The following CLVS1 variants were observed in gnomAD, a reference collection of about 807,000 sequenced individuals.
CLVS1 encodes clavesin 1, also known as clavesin-1.
Under a neutral mutation model 33.1 loss-of-function variants are expected in CLVS1, and 10 were observed. The observed-to-expected ratio is 0.30, with a 90% CI of 0.19 to 0.51. The LOEUF (loss-of-function observed/expected upper bound fraction) is 0.51. Ranked by LOEUF, CLVS1 falls within the 20% of genes least tolerant of loss-of-function variation. CLVS1 has a pLI of 0.97. For missense variants in CLVS1, 343 were observed against 433.4 expected (o/e 0.79, Z 1.85); for synonymous variants, 163 against 166.1 (o/e 0.98, Z 0.14).
rs777528494 is a variant in CLVS1 at position 61,314,841 on chromosome 8, T to C, written c.455+14559T>C. 1.6e-4 allele frequency among the ~76,000 whole-genome samples: 25 copies of C among 152,378 alleles called. 1 individual carries two copies. In the South Asian group the frequency reaches 1.7e-3, roughly 10 times the overall value. ...AATGAGCCTGCTTTGAAAACTCCTC[T>C]CTTTCTAATTTCCTGTAGATTAGGA... On this transcript the variant is annotated intron_variant, in intron 2 of 5. Transcript: ENST00000325897.
chr8:61,376,525 C>T (rs1027271525), intron 2 of CLVS1, 80 bp from the exon 3 acceptor site: 12 of 1,362,140 alleles, frequency 8.8e-6, no homozygotes, highest in African/African-American at 2.9e-5. Context: ...CAGTGGCATG[C>T]GGAGGCCAGC....
chr8:61,272,788 G>C (rs549518721), intron 2 of CLVS1, among the ~76,000 whole-genome samples: 2 of 152,012 alleles, frequency 1.3e-5, no homozygotes, highest in Non-Finnish European at 2.9e-5. Flanking sequence ...GATCACATCG[G>C]CTCCTGAGGC....
chr8:61,307,025 T>G (rs762037008), intron 2 of CLVS1, among the ~76,000 whole-genome samples: 1 of 152,208 alleles, frequency 6.6e-6, no homozygotes, highest in Non-Finnish European at 1.5e-5. Context: ...CCTATTATGT[T>G]TATTATATTC....
At chr8:61,052,506 CCGAGA>C (rs1433863407), upstream of CLVS1, among the ~76,000 whole-genome samples, 10 of 31,126 alleles carry the variant, frequency 3.2e-4, no homozygotes, top group East Asian at 0.026. Flanking sequence ...GGGAGTCATG[CCGAGA>C]TCTGGGAAAA....
At chr8:61,071,027 G>C (rs139432939) in intron 1 of CLVS1, among the ~76,000 whole-genome samples, 3 of 152,090 alleles carry the variant, frequency 2.0e-5, no homozygotes, top group African/African-American at 7.2e-5. Context: ...ACCAACATCC[G>C]CTCTTGACCT....
chr8:61,056,287 A>T (rs1460374372), upstream of CLVS1, among the ~76,000 whole-genome samples: 1 of 152,192 alleles, frequency 6.6e-6, no homozygotes, highest in Non-Finnish European at 1.5e-5. Context: ...AAAACGGAGT[A>T]AATTTGGTTA....
In CLVS1 at chr8:61,176,572, G is replaced by A. The variant is rs1225914398; in HGVS notation, c.-152+44712G>A. On this transcript the variant is annotated intron_variant, in intron 2 of 2. Coordinates refer to the CLVS1 transcript ENST00000522621. ...AGATGGCTGACTAGAAGCAGTGGTG[G>A]TCAGAGGCTCACATTGAAAAGAATC... is the stretch of plus-strand genomic sequence containing the variant. Among the ~76,000 whole-genome samples the A allele has an allele frequency of 2.6e-5, 4 of 152,292 alleles. No homozygotes were observed. In the East Asian group the frequency reaches 7.7e-4, roughly 29 times the overall value.
chr8:61,064,246 G>A (rs755737954), intron 1 of CLVS1, among the ~76,000 whole-genome samples: 23 of 152,170 alleles, frequency 1.5e-4, no homozygotes, highest in Admixed American at 1.5e-3. Flanking sequence ...ATACCTAGGA[G>A]TGGAATTGCT....
intron 2 of CLVS1, among the ~76,000 whole-genome samples, chr8:61,369,814 G>A (rs1236023283): frequency 6.6e-6 from 1 of 152,192 alleles, no homozygotes; most frequent in Non-Finnish European, 1.5e-5. Context: ...CCTTTTGCCA[G>A]TTTGCCAAAG....
intron 2 of CLVS1, among the ~76,000 whole-genome samples, chr8:61,155,156 G>A (rs1039491174): frequency 1.3e-5 from 2 of 152,170 alleles, no homozygotes; most frequent in African/African-American, 4.8e-5. Flanking sequence ...GGATAAGTGC[G>A]TATTGTGGGT....
chr8:61,379,429 A>G (rs1407232501), intron 3 of CLVS1, among the ~76,000 whole-genome samples: 1 of 124,070 alleles, frequency 8.1e-6, no homozygotes, highest in Non-Finnish European at 1.6e-5. Flanking sequence ...TACCTCCTGC[A>G]GGGACAAGGT....
At chr8:61,088,433 T>TGAGCTGA (rs1039764497) in intron 1 of CLVS1, among the ~76,000 whole-genome samples, 30 of 143,502 alleles carry the variant, frequency 2.1e-4, no homozygotes, top group Non-Finnish European at 3.9e-4. Flanking sequence ...GAGGTTGAAG[T>TGAGCTGA]GAGCTGAGAT....
chr8:61,352,612 C>A (rs28886409), intron 2 of CLVS1, among the ~76,000 whole-genome samples: 57,055 of 151,590 alleles, frequency 0.38, 12,553 homozygotes, highest in East Asian at 0.64. Flanking sequence ...TGGCTGTATT[C>A]GGATAAGGTA....
At chr8:61,426,198 GCCTT>G (rs750320986) in intron 3 of CLVS1, among the ~76,000 whole-genome samples, 8 of 152,156 alleles carry the variant, frequency 5.3e-5, no homozygotes, top group Non-Finnish European at 1.0e-4. Context: ...GTGCACATGT[GCCTT>G]CCACTGGGTG....
chr8:61,433,642 C>T (rs555853717), intron 3 of CLVS1, among the ~76,000 whole-genome samples: 9 of 152,170 alleles, frequency 5.9e-5, no homozygotes, highest in East Asian at 5.8e-4. Flanking sequence ...CTGTGGGCTT[C>T]GAGTCAGGTG....
At position 61,417,257 on chromosome 8, in the gene CLVS1, G is replaced by A. The variant is rs768105741; in HGVS notation, c.631-36884G>A. Among the ~76,000 whole-genome samples, 3 of 152,080 alleles carry A rather than the reference G, an allele frequency of 2.0e-5. No homozygotes were observed. In the South Asian group the frequency reaches 6.2e-4, roughly 32 times the overall value. On this transcript the variant is annotated intron_variant, in intron 3 of 5. Coordinates refer to ENST00000325897, the MANE Select transcript of CLVS1 (RefSeq NM_173519.3). ...AGAAATTCAGCTTAACATTAAGAAA[G>A]CATCTGCATCCTCCACTCCGGCCAC... is the stretch of plus-strand genomic sequence containing the variant.
chr8:61,476,064 C>T (rs2129607940), intron 5 of CLVS1, among the ~76,000 whole-genome samples: 1 of 152,270 alleles, frequency 6.6e-6, no homozygotes, highest in South Asian at 2.1e-4. Flanking sequence ...ATCTTTTCCC[C>T]ATTGCTTGTT....
At chr8:61,046,063 C>T in the CLVS1 span, among the ~76,000 whole-genome samples, 1 of 151,084 alleles carries the variant, frequency 6.6e-6, no homozygotes, top group Admixed American at 6.6e-5. Flanking sequence ...AGTCCTTGCC[C>T]ATGCCTATGT....
chr8:61,187,580 A>G (rs1458806383), intron 2 of CLVS1, among the ~76,000 whole-genome samples: 1 of 152,128 alleles, frequency 6.6e-6, no homozygotes, highest in Non-Finnish European at 1.5e-5. Flanking sequence ...GACAAGTTTG[A>G]CAGTTTGCCC....
Sources: gnomAD v4.1 joint callset for allele counts (sites outside exome capture counted in the v4.1 genomes callset) on GRCh38, gnomAD v4.1.1 for gene constraint, MANE v1.5 for transcripts, NCBI Gene and HGNC (gene_info 2026-07-23, HGNC 2026-07-21) for gene names.